Variants in FOXN3 observed in about 807,000 individuals in gnomAD.
The protein encoded by FOXN3 is forkhead box N3.
In FOXN3, 7 loss-of-function variants were observed where a neutral mutation model predicts 38.4. The ratio of observed to expected loss-of-function variants is 0.18; its 90% confidence interval spans 0.10 to 0.34. The LOEUF is 0.34. Among genes scored for constraint, FOXN3 ranks in the 10% least tolerant of loss-of-function variants. FOXN3 has a pLI of 1.00. For missense variants in FOXN3, 456 were observed against 613.4 expected (o/e 0.74, Z 2.71); for synonymous variants, 230 against 242.2 (o/e 0.95, Z 0.47).
chr14:89,211,035 G>A (rs1455853869), intron 4 of FOXN3, among the ~76,000 whole-genome samples: 2 of 152,188 alleles, frequency 1.3e-5, no homozygotes, highest in Non-Finnish European at 2.9e-5. Flanking sequence ...CAAAGCCATA[G>A]TGGATTTATT....
At chr14:89,496,184 G>C (rs1208097406) in intron 1 of FOXN3, among the ~76,000 whole-genome samples, 1 of 152,126 alleles carries the variant, frequency 6.6e-6, no homozygotes, top group Non-Finnish European at 1.5e-5. Context: ...TTACACTACA[G>C]CCTGGGCAAC....
At position 89,501,522 on chromosome 14, in the gene FOXN3, C is replaced by T. The variant is rs142380924; in HGVS notation, c.-14-89032G>A. Among the ~76,000 whole-genome samples, 411 of 152,086 alleles carry T rather than the reference C, an allele frequency of 2.7e-3. 1 individual carries two copies. The highest frequency in any genetic ancestry group is 7.6e-3 in the African/African-American group (316 of 41,492). The stretch of plus-strand genomic sequence containing the variant: ...TTGACCCTGTCCTAATCAGAGGGAA[C>T]GAGGAGAAAGGATATGAAGGGCTTG... On this transcript the variant is annotated intron_variant, in intron 1 of 6. Transcript: ENST00000345097.
chr14:89,524,944 A>G (rs390237), intron 1 of FOXN3, among the ~76,000 whole-genome samples: 59,092 of 151,914 alleles, frequency 0.39, 11,934 homozygotes, highest in East Asian at 0.6. Flanking sequence ...CTACCCCAAA[A>G]ACAAGAGACC....
At chr14:89,423,245 C>T (rs532797934) in intron 1 of FOXN3, among the ~76,000 whole-genome samples, 29 of 152,348 alleles carry the variant, frequency 1.9e-4, no homozygotes, top group African/African-American at 7.0e-4. Context: ...TAGGTTCGTA[C>T]TCTGATCTTA....
At chr14:89,570,987 G>A (rs1895477400) in intron 1 of FOXN3, among the ~76,000 whole-genome samples, 1 of 152,058 alleles carries the variant, frequency 6.6e-6, no homozygotes, top group Non-Finnish European at 1.5e-5. Flanking sequence ...TATCCAGAAT[G>A]ACCTAGACAT....
Position 89,213,693 on chromosome 14 carries a change from AC to A in FOXN3, c.746-32888del, listed in dbSNP as rs1488449174. Reference sequence around the variant, plus strand: ...TTTGAGGACATGAGCCTTTCAGCCCACCCTGTGTGGAAAATACTGAAGAGAG... The same window carrying A: ...TTTGAGGACATGAGCCTTTCAGCCCACCTGTGTGGAAAATACTGAAGAGAG... On this transcript the variant is annotated intron_variant, in intron 4 of 5. Coordinates refer to ENST00000557258, the MANE Select transcript of FOXN3 (RefSeq NM_005197.4). Among the ~76,000 whole-genome samples, 5 of 152,254 alleles carry A rather than the reference AC, an allele frequency of 3.3e-5. No homozygotes were observed. The East Asian group carries it at 9.6e-4, about 29-fold the overall frequency.
At chr14:89,416,293 C>T (rs1267505020) in intron 1 of FOXN3, among the ~76,000 whole-genome samples, 3 of 152,240 alleles carry the variant, frequency 2.0e-5, no homozygotes, top group Non-Finnish European at 2.9e-5. Flanking sequence ...ATTGGGAGCT[C>T]GCATACCTTC....
chr14:89,453,286 G>A (rs1271363709), intron 1 of FOXN3, among the ~76,000 whole-genome samples: 1 of 151,948 alleles, frequency 6.6e-6, no homozygotes, highest in Non-Finnish European at 1.5e-5. Context: ...GCCAGGCTCG[G>A]TGGCTCAAGC....
At chr14:89,314,751 A>G (rs775772463) in intron 3 of FOXN3, among the ~76,000 whole-genome samples, 4 of 152,118 alleles carry the variant, frequency 2.6e-5, no homozygotes, top group African/African-American at 9.7e-5. Flanking sequence ...GTGTTTCCCT[A>G]CTAGGCCACA....
chr14:89,488,564 G>A (rs1471572689), intron 1 of FOXN3, among the ~76,000 whole-genome samples: 1 of 150,902 alleles, frequency 6.6e-6, no homozygotes, highest in African/African-American at 2.4e-5. Flanking sequence ...GAAGAGGGAG[G>A]AGCATCTGAA....
intron 2 of FOXN3, among the ~76,000 whole-genome samples, chr14:89,355,896 C>T (rs1889200433): frequency 6.6e-6 from 1 of 152,062 alleles, no homozygotes; most frequent in Non-Finnish European, 1.5e-5. Context: ...ACACGTGGCT[C>T]TGGGGCAGTG....
At chr14:89,372,655 A>G (rs780487795) in intron 2 of FOXN3, among the ~76,000 whole-genome samples, 2 of 152,140 alleles carry the variant, frequency 1.3e-5, no homozygotes, top group Admixed American at 1.3e-4. Flanking sequence ...GGTCAGGGTA[A>G]CCCACAGGAA....
intron 4 of FOXN3, among the ~76,000 whole-genome samples, chr14:89,228,755 G>A (rs1027512726): frequency 2.0e-5 from 3 of 152,276 alleles, no homozygotes; most frequent in South Asian, 2.1e-4. Context: ...TGTTCAGAAC[G>A]AATATAACAC....
At chr14:89,309,996 A>G (rs1887483782) in intron 3 of FOXN3, among the ~76,000 whole-genome samples, 1 of 152,182 alleles carries the variant, frequency 6.6e-6, no homozygotes, top group Non-Finnish European at 1.5e-5. Context: ...GAACGTCGCT[A>G]AGTGCCATCC....
At chr14:89,610,638 G>T (rs1896370751) in intron 1 of FOXN3, among the ~76,000 whole-genome samples, 1 of 152,158 alleles carries the variant, frequency 6.6e-6, no homozygotes, top group African/African-American at 2.4e-5. Flanking sequence ...GTCTATATCT[G>T]CTTAGAATAT....
At position 89,526,677 on chromosome 14, in the gene FOXN3, T is replaced by C. The variant is rs549131684; in HGVS notation, c.-15+92351A>G. 3.3e-5 allele frequency among the ~76,000 whole-genome samples: 5 copies of C among 152,306 alleles called. No individual in the cohort carries two copies. The Middle Eastern group carries it at 0.01, about 311-fold the overall frequency. On this transcript the variant is annotated intron_variant, in intron 1 of 6. Transcript: ENST00000345097. ...TGTTTAGATGTTAATTTCCCTCAAATTGATCTAAAGATTTAAAGTATTCCC... is the reference window on the plus strand; with the variant it reads ...TGTTTAGATGTTAATTTCCCTCAAACTGATCTAAAGATTTAAAGTATTCCC...
intron 2 of FOXN3, among the ~76,000 whole-genome samples, chr14:89,370,967 C>A: frequency 6.7e-6 from 1 of 149,854 alleles, no homozygotes; most frequent in South Asian, 2.1e-4. Context: ...TTCCCCAACA[C>A]AACAACAAAA....
rs181251986 is a variant in FOXN3 at position 89,478,170 on chromosome 14, C to T, written c.-14-65680G>A. On this transcript the variant is annotated intron_variant, in intron 1 of 6. Transcript: ENST00000345097. ...TCTAGTTGTTTGAAAGTGTGTGGCG[C>T]CTCCCCTCACCTCTTTCTCCCATTC... Among the ~76,000 whole-genome samples, 12 of 152,114 alleles carry T rather than the reference C, an allele frequency of 7.9e-5. No homozygotes were observed. The East Asian group carries it at 2.1e-3, about 27-fold the overall frequency.
intron 2 of FOXN3, among the ~76,000 whole-genome samples, chr14:89,404,792 A>C (rs1891345665): frequency 6.6e-6 from 1 of 152,118 alleles, no homozygotes; most frequent in Non-Finnish European, 1.5e-5. Context: ...CCCCAGGTCG[A>C]GGATGAAGAG....
Sources: gnomAD v4.1 joint callset for allele counts (sites outside exome capture counted in the v4.1 genomes callset) on GRCh38, gnomAD v4.1.1 for gene constraint, MANE v1.5 for transcripts, NCBI Gene and HGNC (gene_info 2026-07-23, HGNC 2026-07-21) for gene names.